Variants in LRMDA observed in about 807,000 individuals in gnomAD.
LRMDA encodes the protein leucine-rich melanocyte differentiation-associated protein.
Under a neutral mutation model 29.8 loss-of-function variants are expected in LRMDA, and 18 were observed. That is an observed-to-expected ratio of 0.60 (90% CI 0.42 to 0.90). LRMDA has a LOEUF of 0.90. Among genes scored for constraint, LRMDA ranks in the 40% least tolerant of loss-of-function variants. LRMDA has a pLI of 0.00. For missense variants in LRMDA, 273 were observed against 273.9 expected, an observed-to-expected ratio of 1.00 and a Z score of 0.02; for synonymous variants, 125 against 109.4, an observed-to-expected ratio of 1.14 and a Z score of -0.89.
At chr10:76,231,160 A>C (rs1275353780) in intron 5 of LRMDA, among the ~76,000 whole-genome samples, 1 of 152,158 alleles carries the variant, frequency 6.6e-6, no homozygotes, top group East Asian at 1.9e-4. Flanking sequence ...AGAAAGAAAA[A>C]AGAAAAAGAA....
At chr10:75,785,634 A>T (rs1843459143) in intron 2 of LRMDA, among the ~76,000 whole-genome samples, 1 of 152,172 alleles carries the variant, frequency 6.6e-6, no homozygotes, top group Non-Finnish European at 1.5e-5. Context: ...CTGACTACTT[A>T]ATGGAGTCCA....
At chr10:75,799,290 T>TCATGAAA (rs1359840820) in intron 2 of LRMDA, among the ~76,000 whole-genome samples, 1 of 152,232 alleles carries the variant, frequency 6.6e-6, no homozygotes, top group African/African-American at 2.4e-5. Context: ...CTGATTATCA[T>TCATGAAA]CATGAAACAC....
At chr10:76,136,107 A>C (rs1035971849) in intron 5 of LRMDA, among the ~76,000 whole-genome samples, 5 of 152,126 alleles carry the variant, frequency 3.3e-5, no homozygotes, top group Non-Finnish European at 4.4e-5. Flanking sequence ...AATGGATGAG[A>C]CTTTAATCTT....
intron 5 of LRMDA, among the ~76,000 whole-genome samples, chr10:76,152,558 C>G (rs1014199130): frequency 2.0e-5 from 3 of 152,070 alleles, no homozygotes; most frequent in Non-Finnish European, 4.4e-5. Flanking sequence ...AGTGGAATTT[C>G]TGGGTCATAT....
At chr10:76,337,414 C>T (rs921279840) in intron 6 of LRMDA, among the ~76,000 whole-genome samples, 4 of 152,124 alleles carry the variant, frequency 2.6e-5, no homozygotes, top group Non-Finnish European at 5.9e-5. Context: ...CCAGAGAAGT[C>T]ACCACTGAGA....
At chr10:75,661,938 C>A (rs1841758500) in intron 2 of LRMDA, among the ~76,000 whole-genome samples, 1 of 152,124 alleles carries the variant, frequency 6.6e-6, no homozygotes, top group Admixed American at 6.5e-5. Context: ...TTCCAGTATA[C>A]CAGACAAATT....
chr10:76,205,328 G>A (rs1239925816), intron 5 of LRMDA, among the ~76,000 whole-genome samples: 5 of 152,058 alleles, frequency 3.3e-5, no homozygotes, highest in African/African-American at 1.2e-4. Flanking sequence ...GTTTCGAGGT[G>A]GATTCAATTC....
At chr10:75,831,457 C>T (rs1350882134) in intron 2 of LRMDA, among the ~76,000 whole-genome samples, 1 of 152,208 alleles carries the variant, frequency 6.6e-6, no homozygotes, top group African/African-American at 2.4e-5. Flanking sequence ...AGCTCTGCCC[C>T]TCTGGCTTTG....
intron 2 of LRMDA, among the ~76,000 whole-genome samples, chr10:75,804,620 G>T (rs978411781): frequency 1.3e-5 from 2 of 152,214 alleles, no homozygotes; most frequent in Admixed American, 6.5e-5. Flanking sequence ...CCTTCCTGCT[G>T]CATTGTGGTC....
At chr10:76,456,430 G>C (rs1035095666) in intron 6 of LRMDA, among the ~76,000 whole-genome samples, 1 of 152,140 alleles carries the variant, frequency 6.6e-6, no homozygotes, top group African/African-American at 2.4e-5. Context: ...CAATTGCAGA[G>C]GACCACGTGA....
chr10:75,887,664 C>T (rs1203725833), intron 2 of LRMDA, among the ~76,000 whole-genome samples: 1 of 152,114 alleles, frequency 6.6e-6, no homozygotes. Context: ...TGCTTTATGG[C>T]CTGCAAAGTC....
chr10:75,971,335 G>C (rs756470478), intron 2 of LRMDA, among the ~76,000 whole-genome samples: 53 of 152,264 alleles, frequency 3.5e-4, no homozygotes, highest in Admixed American at 5.2e-4. Context: ...TGATTATGGG[G>C]CCTTCTCTTA....
intron 2 of LRMDA, among the ~76,000 whole-genome samples, chr10:75,634,444 T>C (rs937808574): frequency 2.6e-5 from 4 of 152,210 alleles, no homozygotes; most frequent in Non-Finnish European, 4.4e-5. Context: ...CTTTTGAAGA[T>C]CTGGGAAAAT....
intron 6 of LRMDA, among the ~76,000 whole-genome samples, chr10:76,519,369 T>C (rs76899750): frequency 0.032 from 4,805 of 152,294 alleles, 89 homozygotes; most frequent in South Asian, 0.099. Flanking sequence ...AAAGAGTATC[T>C]ACCTAAAACA....
At chr10:75,585,583 T>G (rs1205755040) in intron 2 of LRMDA, among the ~76,000 whole-genome samples, 2 of 152,350 alleles carry the variant, frequency 1.3e-5, no homozygotes, top group East Asian at 3.9e-4. Context: ...AGTAGTTCTG[T>G]CAATTTGTGT....
intron 5 of LRMDA, among the ~76,000 whole-genome samples, chr10:76,189,363 A>C (rs974400074): frequency 1.3e-5 from 2 of 152,190 alleles, no homozygotes; most frequent in Non-Finnish European, 2.9e-5. Context: ...TCTCAAAAAA[A>C]AAAAAGTTTT....
chr10:76,245,954 A>C (rs528919064), intron 5 of LRMDA, among the ~76,000 whole-genome samples: 1 of 152,368 alleles, frequency 6.6e-6, no homozygotes, highest in African/African-American at 2.4e-5. Context: ...AAAATTAGAG[A>C]TACGATACTA....
At chr10:75,696,379 T>C (rs565685817) in intron 2 of LRMDA, among the ~76,000 whole-genome samples, 2 of 152,362 alleles carry the variant, frequency 1.3e-5, no homozygotes, top group South Asian at 2.1e-4. Flanking sequence ...GGGTCTTGCA[T>C]TGGCAATTAA....
In LRMDA at chr10:75,613,370, G is replaced by C. The variant is rs901551871; in HGVS notation, c.131+174876G>C. Among the ~76,000 whole-genome samples the C allele has an allele frequency of 2.0e-5, 3 of 152,162 alleles. No individual in the cohort carries two copies. In the South Asian group the frequency reaches 6.2e-4, roughly 31 times the overall value. The stretch of plus-strand genomic sequence containing the variant: ...CAGTGAGGGATAGGGGTGGAGACCA[G>C]GCAATGAGTGGTGTCCTAAGAAACG... On this transcript the variant is annotated intron_variant, in intron 2 of 6. Transcript: ENST00000611255.
Sources: gnomAD v4.1 joint callset for allele counts (sites outside exome capture counted in the v4.1 genomes callset) on GRCh38, gnomAD v4.1.1 for gene constraint, MANE v1.5 for transcripts, NCBI Gene and HGNC (gene_info 2026-07-23, HGNC 2026-07-21) for gene names.